Variants in PRG4 observed in about 807,000 individuals in gnomAD.
The protein encoded by PRG4 is articular superficial zone protein.
PRG4 carries 61 observed loss-of-function variants against 91.2 expected under a neutral mutation model. The ratio of observed to expected loss-of-function variants is 0.67; its 90% CI spans 0.54 to 0.83. The LOEUF is 0.83. Ranked by LOEUF, PRG4 falls within the 40% of genes least tolerant of loss-of-function variation. The probability of loss-of-function intolerance (pLI) is 0.00; values close to 1 mark genes in which losing one functional copy is unlikely to be tolerated. For synonymous variants in PRG4, 576 were observed against 614.2 expected, an observed-to-expected ratio of 0.94 and a Z score of 0.92; for missense variants, 1,564 against 1,714.2, an observed-to-expected ratio of 0.91 and a Z score of 1.55.
Position 186,301,724 on chromosome 1 carries a change from G to T in PRG4, c.319+13G>T. 6.2e-7 allele frequency: 1 copy of T among 1,612,818 alleles called. No individual in the cohort carries two copies. The highest frequency in any genetic ancestry group is 8.5e-7 in the Non-Finnish European group (1 of 1,178,858). ...TTCTGTGCAGAAGGTAAGCATCACA[G>T]TACCAACCAATGCTTCTCAGTACAG... On this transcript the variant is annotated intron_variant, in intron 4 of 12. Transcript: ENST00000445192.
intron 11 of PRG4, 128 bp from the exon 12 acceptor site, chr1:186,312,641 A>G: frequency 1.1e-5 from 11 of 999,308 alleles, no homozygotes; most frequent in Non-Finnish European, 1.6e-5. Context: ...ATTATATACC[A>G]GTCTATAACC....
In PRG4 at chr1:186,306,821, C is replaced by G; in HGVS notation, c.1102C>G (p.Pro368Ala). Residue 368 changes from proline (P) to alanine (A), a missense_variant, in exon 7 of 13, where the codon CCT (proline) becomes GCT (alanine). Physicochemically the swap from Pro to Ala is conservative, Grantham distance 27. Coordinates refer to ENST00000445192, the MANE Select transcript of PRG4 (RefSeq NM_005807.6). ...ATCTACCACACCCAAAGAGCCCACACCTACCACCATCAAGTCTGCACCCAC... is the reference window on the plus strand; with the variant it reads ...ATCTACCACACCCAAAGAGCCCACAGCTACCACCATCAAGTCTGCACCCAC... ...PASTTPKEPT[P>A]TTIKSAPTTP... is the part of the protein sequence containing the mutation. 1 of 1,609,264 alleles carries G rather than the reference C, an allele frequency of 6.2e-7. No individual in the cohort carries two copies. Among genetic ancestry groups the G allele is most frequent in the Non-Finnish European group, 8.5e-7 (1 of 1,178,434 alleles).
At chr1:186,298,338 C>T (rs1322962115) in intron 2 of PRG4, among the ~76,000 whole-genome samples, 1 of 152,056 alleles carries the variant, frequency 6.6e-6, no homozygotes, top group Non-Finnish European at 1.5e-5. Flanking sequence ...GCTGAGCTTG[C>T]ATCATGGCAC....
chr1:186,298,676 A>G (rs1553221590), intron 2 of PRG4, among the ~76,000 whole-genome samples: 1 of 151,898 alleles, frequency 6.6e-6, no homozygotes, highest in Non-Finnish European at 1.5e-5. Context: ...TTTTTAGTAA[A>G]GACAGGTTTT....
chr1:186,301,705 G>A lies in PRG4; in HGVS notation c.313G>A (p.Ala105Thr). ...CTGTCCCGATTATGAGAGTTTCTGT[G>A]CAGAAGGTAAGCATCACAGTACCAA... ...KCCPDYESFC[A>T]EVHNPTSPPS... The change falls in exon 4 of 13, where the codon GCA (alanine) becomes ACA (threonine). Residue 105 changes from alanine to threonine, a missense_variant. Ala to Thr is a moderately conservative substitution (Grantham distance 58). Around this residue, in one of 3 missense-constraint regions of PRG4, gnomAD observed 437 missense variants for 459.0 expected, o/e 0.95. Coordinates refer to ENST00000445192, the MANE Select transcript of PRG4 (RefSeq NM_005807.6). The A allele has an allele frequency of 6.2e-7, 1 of 1,613,816 alleles. No homozygotes were observed. The highest frequency in any genetic ancestry group is 8.5e-7 in the Non-Finnish European group (1 of 1,179,742).
At chr1:186,296,553 T>C (rs1296723431) in intron 1 of PRG4, among the ~76,000 whole-genome samples, 2 of 152,230 alleles carry the variant, frequency 1.3e-5, no homozygotes, top group East Asian at 3.8e-4. Context: ...CACTGTTAAG[T>C]ACATGCCATA....
chr1:186,310,122 A>G (rs1157478870), intron 8 of PRG4, among the ~76,000 whole-genome samples: 1 of 92,816 alleles, frequency 1.1e-5, no homozygotes, highest in African/African-American at 4.4e-5. Flanking sequence ...TTTAAAAAGT[A>G]GTTCATTTTT....
At position 186,308,247 on chromosome 1, in the gene PRG4, C is replaced by T; in HGVS notation, c.2528C>T (p.Ala843Val). 1 of 1,614,058 alleles carries T rather than the reference C, an allele frequency of 6.2e-7. No homozygotes were observed. Among genetic ancestry groups the T allele is most frequent in the African/African-American group, 1.3e-5 (1 of 75,018 alleles). Residue 843 changes from alanine to valine, a missense_variant, in exon 7 of 13, where the codon GCT (alanine) becomes GTT (valine). Physicochemically the swap from Ala to Val is moderately conservative, Grantham distance 64. This residue lies in a region of PRG4 where 1,079 missense variants were observed against 1,162.2 expected (regional missense o/e 0.93). Transcript: ENST00000445192. ...EPAPTTPKKP[A>V]PTTPETPPPT... Reference sequence around the variant, plus strand: ...GCACCCACTACCCCCAAGAAGCCTGCTCCAACTACTCCTGAGACACCTCCT... The same window carrying T: ...GCACCCACTACCCCCAAGAAGCCTGTTCCAACTACTCCTGAGACACCTCCT...
Position 186,309,051 on chromosome 1 carries a change from C to T in PRG4, c.3332C>T (p.Pro1111Leu). 2 of 1,613,704 alleles carry T rather than the reference C, an allele frequency of 1.2e-6. No homozygotes were observed. The highest frequency in any genetic ancestry group is 1.7e-6 in the Non-Finnish European group (2 of 1,179,738). Reference sequence around the variant, plus strand: ...GAAACACCTCATATGCTTCTCAGGCCCCATGTGTTCATGCCTGAAGTTACT... The same window carrying T: ...GAAACACCTCATATGCTTCTCAGGCTCCATGTGTTCATGCCTGAAGTTACT... ...EGETPHMLLR[P>L]HVFMPEVTPD... The change falls in exon 7 of 13, where the codon CCC becomes CTC. Residue 1111 changes from proline to leucine, a missense_variant. This residue lies in a region of PRG4 where 1,079 missense variants were observed against 1,162.2 expected (regional missense o/e 0.93). Coordinates refer to ENST00000445192, the MANE Select transcript of PRG4 (RefSeq NM_005807.6).
Position 186,314,443 on chromosome 1 carries a change from C to T in PRG4, c.*665C>T. On this transcript the variant is annotated 3_prime_UTR_variant, in exon 13 of 13. Coordinates refer to ENST00000445192, the MANE Select transcript of PRG4 (RefSeq NM_005807.6). ...ATATAAGCACATATTTATTATATAT[C>T]TAAGGTATACAAATCTGTCTACATG... is the stretch of plus-strand genomic sequence containing the variant. 1 of 428,964 alleles carries T rather than the reference C, an allele frequency of 2.3e-6. No homozygotes were observed. The highest frequency in any genetic ancestry group is 4.1e-6 in the Non-Finnish European group (1 of 242,838). The allele number at this position is 428,964 out of a possible 1,614,324, so 26.6% of individuals were successfully genotyped here. A position where few individuals can be genotyped will look rare whatever the true frequency, so the allele number is the denominator to read the frequency against.
rs756673372 is a variant in PRG4, at chr1:186,306,328, C to A, written c.609C>A (p.Asn203Lys). 1 of 1,587,964 alleles carries A rather than the reference C, an allele frequency of 6.3e-7. No individual in the cohort carries two copies. The highest frequency in any genetic ancestry group is 1.2e-5 in the South Asian group (1 of 85,614). Residue 203 changes from asparagine to lysine, a missense_variant, in exon 7 of 13, where the codon AAC (asparagine) becomes AAA (lysine). By Grantham distance (94) the Asn-to-Lys change is moderately conservative. Coordinates refer to ENST00000445192, the MANE Select transcript of PRG4 (RefSeq NM_005807.6). ...ELQKKLKVKD[N>K]KKNRTKKKPT... ...ATATTTTTTCTCCAGTAAAAGATAA[C>A]AAGAAGAACAGAACTAAAAAGAAAC...
rs760919750 is a variant in PRG4, at chr1:186,312,213, G to A, written c.3832G>A (p.Val1278Ile). The A allele has an allele frequency of 1.9e-6, 3 of 1,613,890 alleles. No individual in the cohort carries two copies. The highest frequency in any genetic ancestry group is 2.5e-6 in the Non-Finnish European group (3 of 1,179,942). ...IQQYIYKQEP[V>I]QKCPGRRPAL... is the part of the protein sequence containing the mutation. Reference sequence around the variant, plus strand: ...GCAGTATATTTATAAACAGGAACCTGTACAGAAGTGCCCTGGAAGAAGGCC... The same window carrying A: ...GCAGTATATTTATAAACAGGAACCTATACAGAAGTGCCCTGGAAGAAGGCC... The change falls in exon 11 of 13, where the codon GTA becomes ATA. Residue 1278 changes from valine (V) to isoleucine (I), a missense_variant. Physicochemically the swap from Val to Ile is conservative, Grantham distance 29. Coordinates refer to ENST00000445192, the MANE Select transcript of PRG4 (RefSeq NM_005807.6).
chr1:186,311,900 TTTAGTA>T (rs1387266214), intron 10 of PRG4: 6 of 541,632 alleles, frequency 1.1e-5, no homozygotes, highest in Non-Finnish European at 2.0e-5. Flanking sequence ...TCATTCCAGT[TTTAGTA>T]TATGTGCTGC....
At chr1:186,298,365 G>C (rs1176880712) in intron 2 of PRG4, among the ~76,000 whole-genome samples, 1 of 152,146 alleles carries the variant, frequency 6.6e-6, no homozygotes, top group East Asian at 1.9e-4. Context: ...CTGGGCAACA[G>C]AGTGAGACTC....
intron 3 of PRG4, among the ~76,000 whole-genome samples, chr1:186,301,234 G>C (rs1241559884): frequency 1.3e-5 from 2 of 152,160 alleles, no homozygotes; most frequent in African/African-American, 2.4e-5. Flanking sequence ...TTACAAAGCA[G>C]TGTGTGAAGA....
At chr1:186,297,324 AT>A (rs1051866897) in intron 2 of PRG4, among the ~76,000 whole-genome samples, 2 of 152,224 alleles carry the variant, frequency 1.3e-5, no homozygotes, top group African/African-American at 4.8e-5. Context: ...ATGTTGAACA[AT>A]TTGTTTTTTA....
In PRG4 at chr1:186,310,657, A is replaced by ATT. The variant is rs746583527; in HGVS notation, c.3500-369_3500-368dup. Among the ~76,000 whole-genome samples the ATT allele has an allele frequency of 1.8e-3, 244 of 135,874 alleles. 7 individuals are homozygous for ATT. Among genetic ancestry groups the ATT allele is most frequent in the Middle Eastern group, 3.7e-3 (1 of 268 alleles). The allele number at this position is 135,874 out of a possible 152,430, so 89.1% of individuals were successfully genotyped here. A position where few individuals can be genotyped will look rare whatever the true frequency, so the allele number is the denominator to read the frequency against. On this transcript the variant is annotated intron_variant, in intron 8 of 12. Transcript: ENST00000445192. ...ACCACCATGCCTGGCTAATTTTTGTATTTTTTTTTGTATTTTTTTTTTTTT... is the reference window on the plus strand; with the variant it reads ...ACCACCATGCCTGGCTAATTTTTGTATTTTTTTTTTTGTATTTTTTTTTTTTT...
intron 7 of PRG4, 31 bp from the exon 8 acceptor site, chr1:186,309,762 A>AT: frequency 6.9e-7 from 1 of 1,455,720 alleles, no homozygotes; most frequent in Non-Finnish European, 9.7e-7. Context: ...ATTCTGTTCT[A>AT]TATTTGTTTT....
Position 186,312,785 on chromosome 1 carries a change from A to C in PRG4, c.4008A>C (p.Glu1336Asp), listed in dbSNP as rs141044991. The change falls in exon 12 of 13, where the codon GAA becomes GAC. Residue 1336 changes from glutamate to aspartate, a missense_variant. Glu to Asp is a conservative substitution (Grantham distance 45). Coordinates refer to ENST00000445192, the MANE Select transcript of PRG4 (RefSeq NM_005807.6). The stretch of plus-strand genomic sequence containing the variant: ...CACTTACAGGTGTCCTTCATAATGA[A>C]GTTAAAGTGAGTATACTGTGGAGAG... ...AYQDKGVLHN[E>D]VKVSILWRGL... 2 of 1,612,946 alleles carry C rather than the reference A, an allele frequency of 1.2e-6. No individual in the cohort carries two copies. Among genetic ancestry groups the C allele is most frequent in the Admixed American group, 1.7e-5 (1 of 60,022 alleles).
Sources: allele counts gnomAD v4.1 joint callset (sites outside exome capture counted in the v4.1 genomes callset), GRCh38; gene constraint gnomAD v4.1.1; regional missense constraint gnomAD v4.1.1; transcripts MANE v1.5; gene names NCBI Gene and HGNC (gene_info 2026-07-23, HGNC 2026-07-21).